Variants in NRXN1 observed in about 807,000 individuals in gnomAD.
NRXN1 encodes the protein neurexin 1.
A neutral mutation model predicts 150.9 loss-of-function variants in NRXN1; 39 were observed. That is an observed-to-expected ratio of 0.26 (90% CI 0.20 to 0.34). The LOEUF is 0.34. Ranked by LOEUF, NRXN1 falls within the 10% of genes least tolerant of loss-of-function variation. NRXN1 has a pLI of 1.00. For missense variants in NRXN1, 1,815 were observed against 1,949.9 expected (o/e 0.93, Z 1.30); for synonymous variants, 924 against 757.0 (o/e 1.22, Z -3.62).
At chr2:50,508,669 A>T (rs530629586) in intron 12 of NRXN1, among the ~76,000 whole-genome samples, 2 of 152,066 alleles carry the variant, frequency 1.3e-5, no homozygotes, top group Non-Finnish European at 2.9e-5. Flanking sequence ...CATAAGGGTG[A>T]TATCATCGTT....
At chr2:49,978,319 T>G (rs1679361582) in intron 21 of NRXN1, among the ~76,000 whole-genome samples, 1 of 152,162 alleles carries the variant, frequency 6.6e-6, no homozygotes, top group Non-Finnish European at 1.5e-5. Context: ...AAATCCTATC[T>G]TGGACCACCC....
intron 2 of NRXN1, among the ~76,000 whole-genome samples, chr2:51,020,780 T>C (rs1439838804): frequency 6.6e-6 from 1 of 152,006 alleles, no homozygotes; most frequent in Non-Finnish European, 1.5e-5. Context: ...ACCTGGAATT[T>C]AGTTCTTCAG....
chr2:50,909,084 A>G (rs1268907998), intron 5 of NRXN1, among the ~76,000 whole-genome samples: 2 of 152,088 alleles, frequency 1.3e-5, no homozygotes, highest in East Asian at 1.9e-4. Flanking sequence ...GAGAAATTAG[A>G]CATAATGTTT....
chr2:50,502,577 A>G (rs978245709), intron 13 of NRXN1, among the ~76,000 whole-genome samples: 1 of 152,090 alleles, frequency 6.6e-6, no homozygotes, highest in Admixed American at 6.6e-5. Flanking sequence ...TTTTGAAACT[A>G]TTTTAGATGC....
intron 5 of NRXN1, among the ~76,000 whole-genome samples, chr2:50,836,260 A>T (rs1210484518): frequency 6.6e-6 from 1 of 152,040 alleles, no homozygotes; most frequent in African/African-American, 2.4e-5. Flanking sequence ...TGTTGTTTTG[A>T]TGTATGATTA....
At chr2:50,467,210 T>A (rs535718761) in intron 16 of NRXN1, among the ~76,000 whole-genome samples, 1 of 151,866 alleles carries the variant, frequency 6.6e-6, no homozygotes, top group East Asian at 1.9e-4. Context: ...TTCTACACTT[T>A]CACAAGTATT....
At chr2:50,913,144 T>A (rs566847276) in intron 5 of NRXN1, among the ~76,000 whole-genome samples, 3 of 151,842 alleles carry the variant, frequency 2.0e-5, no homozygotes, top group Admixed American at 2.0e-4. Context: ...AGACAGCTGT[T>A]AAAAGCCATC....
chr2:49,931,302 C>G (rs1317994469), intron 22 of NRXN1, among the ~76,000 whole-genome samples: 1 of 152,154 alleles, frequency 6.6e-6, no homozygotes, highest in Non-Finnish European at 1.5e-5. Flanking sequence ...ATCACTTCTT[C>G]TGTGCTTTGG....
intron 5 of NRXN1, among the ~76,000 whole-genome samples, chr2:50,720,041 T>C (rs187660950): frequency 1.3e-5 from 2 of 152,298 alleles, no homozygotes; most frequent in African/African-American, 4.8e-5. Flanking sequence ...TGGTCAATCA[T>C]TAAACTCAGG....
intron 5 of NRXN1, among the ~76,000 whole-genome samples, chr2:50,752,194 C>T (rs1056270407): frequency 2.6e-5 from 4 of 151,884 alleles, no homozygotes; most frequent in Admixed American, 1.3e-4. Context: ...GGTAAAAGAG[C>T]ATCTAGTCCT....
intron 5 of NRXN1, among the ~76,000 whole-genome samples, chr2:50,703,886 G>A (rs1014569353): frequency 1.3e-5 from 2 of 151,946 alleles, no homozygotes; most frequent in African/African-American, 2.4e-5. Flanking sequence ...AAGTCATATC[G>A]TTTCTACGTG....
chr2:50,387,934 C>T (rs560026842), intron 17 of NRXN1, among the ~76,000 whole-genome samples: 42 of 152,232 alleles, frequency 2.8e-4, no homozygotes, highest in Admixed American at 7.2e-4. Flanking sequence ...TAATGAAACA[C>T]ACGTCTTGAA....
chr2:49,996,422 G>A (rs921896765), intron 21 of NRXN1, among the ~76,000 whole-genome samples: 10 of 152,250 alleles, frequency 6.6e-5, no homozygotes, highest in East Asian at 3.9e-4. Flanking sequence ...GAAGATTGGG[G>A]ATTTACATAG....
At chr2:50,892,337 T>C (rs1358709694) in intron 5 of NRXN1, among the ~76,000 whole-genome samples, 3 of 152,170 alleles carry the variant, frequency 2.0e-5, no homozygotes, top group South Asian at 2.1e-4. Flanking sequence ...GCTTCCTTTA[T>C]CAAACAGTTA....
intron 5 of NRXN1, among the ~76,000 whole-genome samples, chr2:50,898,967 T>C (rs747596208): frequency 4.0e-5 from 6 of 151,868 alleles, no homozygotes; most frequent in Admixed American, 2.0e-4. Context: ...TTTCCTAATA[T>C]AGATGACTCA....
chr2:50,025,017 G>A (rs1416872820), intron 21 of NRXN1, among the ~76,000 whole-genome samples: 1 of 152,114 alleles, frequency 6.6e-6, no homozygotes, highest in Non-Finnish European at 1.5e-5. Flanking sequence ...TTTCAGTACT[G>A]TTCACTCAGC....
At chr2:50,950,298 A>G (rs1225470084) in intron 2 of NRXN1, among the ~76,000 whole-genome samples, 1 of 152,164 alleles carries the variant, frequency 6.6e-6, no homozygotes, top group Non-Finnish European at 1.5e-5. Context: ...AGATTGCAAT[A>G]AAAAAGAAAA....
intron 5 of NRXN1, among the ~76,000 whole-genome samples, chr2:50,804,441 C>T (rs1373723657): frequency 2.6e-5 from 4 of 152,110 alleles, no homozygotes; most frequent in Admixed American, 2.6e-4. Context: ...GATGTAATCG[C>T]TAGTACAATA....
chr2:50,314,009 A>G (rs1319845214), intron 17 of NRXN1, among the ~76,000 whole-genome samples: 1 of 152,092 alleles, frequency 6.6e-6, no homozygotes, highest in African/African-American at 2.4e-5. Context: ...TGAAAAAAAT[A>G]ATTTACACAC....
Sources: allele counts gnomAD v4.1 joint callset (sites outside exome capture counted in the v4.1 genomes callset), GRCh38; gene constraint gnomAD v4.1.1; transcripts MANE v1.5; gene names NCBI Gene and HGNC (gene_info 2026-07-23, HGNC 2026-07-21).